The following TRIML1 variants were observed in gnomAD, a reference collection of about 807,000 sequenced individuals.
The protein encoded by TRIML1 is probable E3 ubiquitin-protein ligase TRIML1.
Under a neutral mutation model 32.3 loss-of-function variants are expected in TRIML1, and 34 were observed. That is an observed-to-expected ratio of 1.05 (90% CI 0.80 to 1.40). The LOEUF (loss-of-function observed/expected upper bound fraction) is 1.40, where lower values mean the gene tolerates loss of function less well. TRIML1 is among the 40% of genes most tolerant of loss of function. The pLI, the probability that TRIML1 is intolerant of heterozygous loss-of-function variation, is 0.00. For synonymous variants in TRIML1, 244 were observed against 226.6 expected, an observed-to-expected ratio of 1.08 and a Z score of -0.69; for missense variants, 595 against 574.9, an observed-to-expected ratio of 1.03 and a Z score of -0.36.
At position 188,140,543 on chromosome 4, in the gene TRIML1, A is replaced by G; in HGVS notation, c.424A>G (p.Ile142Val). The G allele has an allele frequency of 1.2e-6, 2 of 1,614,024 alleles. No homozygotes were observed. The highest frequency in any genetic ancestry group is 2.2e-5 in the South Asian group (2 of 91,084). The change falls in exon 2 of 6, where the codon ATC becomes GTC. Residue 142 changes from isoleucine to valine, a missense_variant. By Grantham distance (29) the Ile-to-Val change is conservative. Transcript: ENST00000332517. ...TCTATTGCAGGAGAAACTCCAGGAAATCCTGAATCTTTTGCGTGTAAGGAG... is the reference window on the plus strand; with the variant it reads ...TCTATTGCAGGAGAAACTCCAGGAAGTCCTGAATCTTTTGCGTGTAAGGAG... Reference protein sequence around the residue: ...EEHHREKLQEILNLLRVRRKE... With the variant: ...EEHHREKLQEVLNLLRVRRKE...
At chr4:188,149,203 G>GC (rs543930671), downstream of TRIML1, among the ~76,000 whole-genome samples, 78 of 152,068 alleles carry the variant, frequency 5.1e-4, no homozygotes, top group Admixed American at 9.2e-4. Context: ...CCAGGCGTGA[G>GC]CCCCCGCGCC....
At chr4:188,138,733 A>G (rs1440783360), upstream of TRIML1, among the ~76,000 whole-genome samples, 2 of 151,388 alleles carry the variant, frequency 1.3e-5, no homozygotes, top group Non-Finnish European at 2.9e-5. Flanking sequence ...AATTACATTT[A>G]TACTAAAATA....
upstream of TRIML1, among the ~76,000 whole-genome samples, chr4:188,137,764 AC>A (rs1380447593): frequency 6.6e-6 from 1 of 151,634 alleles, no homozygotes; most frequent in Non-Finnish European, 1.5e-5. Flanking sequence ...GGCATGAACC[AC>A]TGCACCCGGC....
downstream of TRIML1, among the ~76,000 whole-genome samples, chr4:188,148,557 G>A (rs973744561): frequency 2.0e-5 from 3 of 152,090 alleles, no homozygotes; most frequent in Non-Finnish European, 4.4e-5. Flanking sequence ...CTTTTGGCTG[G>A]TGGTCTGCAT....
At chr4:188,148,935 GAGT>G (rs1326779457), downstream of TRIML1, among the ~76,000 whole-genome samples, 3 of 90,714 alleles carry the variant, frequency 3.3e-5, no homozygotes, top group Non-Finnish European at 6.3e-5. Context: ...TTTTGAGACG[GAGT>G]AGTCTTGCTC....
chr4:188,150,308 T>C (rs7376413), downstream of TRIML1, among the ~76,000 whole-genome samples: 65,208 of 151,454 alleles, frequency 0.43, 15,171 homozygotes, highest in Admixed American at 0.58. Flanking sequence ...TTTGTATTTT[T>C]AATAGAGATG....
Position 188,146,699 on chromosome 4 carries a change from G to A in TRIML1, c.857-123G>A, listed in dbSNP as rs977796553. 2.7e-5 allele frequency: 21 copies of A among 771,414 alleles called. No individual in the cohort carries two copies. In the South Asian group the frequency reaches 2.8e-4, roughly 10 times the overall value. The allele number at this position is 771,414 out of a possible 1,614,324, so 47.8% of individuals were successfully genotyped here. On this transcript the variant is annotated intron_variant, in intron 5 of 5. Transcript: ENST00000332517. ...CTGCATTACAGGCGCGAGCCATCAC[G>A]CCCGGCCCCAAATTACATTTAAAAA...
intron 5 of TRIML1, among the ~76,000 whole-genome samples, chr4:188,145,281 T>C (rs1248509051): frequency 2.0e-5 from 3 of 148,530 alleles, no homozygotes; most frequent in Non-Finnish European, 4.5e-5. Flanking sequence ...CTGCTAAAAA[T>C]ACAAAAAAAA....
rs146418787 is a variant in TRIML1, at chr4:188,139,492, C to T, written c.-67C>T. 19 of 1,476,558 alleles carry T rather than the reference C, an allele frequency of 1.3e-5. No individual in the cohort carries two copies. The highest frequency in any genetic ancestry group is 1.1e-4 in the Admixed American group (5 of 45,050). 91.5% of individuals were successfully genotyped at this position (1,476,558 alleles called of 1,614,324 possible). A position where few individuals can be genotyped will look rare whatever the true frequency, so the allele number is the denominator to read the frequency against. ...CCGCGTGTTACTCAAAACTGTAGGA[C>T]GGCAGTGAGGGCTTTGCTAATCCCA... is the stretch of plus-strand genomic sequence containing the variant. On this transcript the variant is annotated 5_prime_UTR_variant, in exon 1 of 6. The change creates a new upstream start codon in the 5' untranslated region. Coordinates refer to ENST00000332517, the MANE Select transcript of TRIML1 (RefSeq NM_178556.5).
intron 2 of TRIML1, 78 bp downstream of exon 2, chr4:188,140,701 G>GAA (rs11316189): frequency 4.0e-3 from 3,717 of 932,354 alleles, no homozygotes; most frequent in Non-Finnish European, 4.8e-3. Context: ...GAAATATCAG[G>GAA]AAAAAAAAAA....
chr4:188,145,460 AAAAAAAAAAAAAAAAAG>A lies in TRIML1; in HGVS notation c.856+1328_856+1344del, dbSNP rs1268379916. Among the ~76,000 whole-genome samples the A allele has an allele frequency of 2.8e-4, 14 of 49,458 alleles. 1 individual carries two copies. The highest frequency in any genetic ancestry group is 5.6e-4 in the African/African-American group (11 of 19,794). 32.4% of individuals were successfully genotyped at this position (49,458 alleles called of 152,430 possible). On this transcript the variant is annotated intron_variant, in intron 5 of 5. Transcript: ENST00000332517. ...CCGTCTCAAAAAAAAAAAAAAAAAA[AAAAAAAAAAAAAAAAAG>A]TCAGAAATGGAATGACTGGGGTACC...
chr4:188,150,453 T>C (rs763216245), downstream of TRIML1, among the ~76,000 whole-genome samples: 76 of 152,172 alleles, frequency 5.0e-4, no homozygotes, highest in Non-Finnish European at 9.8e-4. Context: ...AGATTTTATA[T>C]CTTGATTTCT....
In TRIML1 at chr4:188,147,355, C is replaced by T. The variant is rs201363871; in HGVS notation, c.1390C>T (p.Leu464=). ...CACAGACCCTCTCACCATCTGCTCACTGAACAGCCACGTCTGAGGGGCGTG... is the reference window on the plus strand; with the variant it reads ...CACAGACCCTCTCACCATCTGCTCATTGAACAGCCACGTCTGAGGGGCGTG... ...TNTDPLTICS[L]NSHV is the part of the protein sequence containing the mutation. Residue 464 remains leucine (L), a synonymous_variant, in exon 6 of 6, where the codon CTG becomes TTG. Coordinates refer to ENST00000332517, the MANE Select transcript of TRIML1 (RefSeq NM_178556.5). 3.3e-6 allele frequency: 5 copies of T among 1,505,888 alleles called. No homozygotes were observed. Among genetic ancestry groups the T allele is most frequent in the Non-Finnish European group, 4.4e-6 (5 of 1,129,080 alleles). 93.3% of individuals were successfully genotyped at this position (1,505,888 alleles called of 1,614,324 possible).
chr4:188,138,882 T>A (rs1347946286), upstream of TRIML1, among the ~76,000 whole-genome samples: 7 of 152,030 alleles, frequency 4.6e-5, no homozygotes, highest in Admixed American at 4.6e-4. Context: ...GCTCTGGCAA[T>A]TCATCGTGCG....
intron 5 of TRIML1, 36 bp from the exon 6 acceptor site, chr4:188,146,786 T>G: frequency 7.5e-7 from 1 of 1,333,158 alleles, no homozygotes; most frequent in East Asian, 2.7e-5. Flanking sequence ...TTTTCAAGCA[T>G]GCCCAAGGGA....
At chr4:188,143,913 T>C in intron 4 of TRIML1, 53 bp downstream of exon 4, 5 of 1,613,026 alleles carry the variant, frequency 3.1e-6, no homozygotes, top group Non-Finnish European at 4.2e-6. Context: ...GTGGTGCTGA[T>C]GGACAGTTCT....
rs371092160 is a variant in TRIML1 at position 188,146,618 on chromosome 4, C to T, written c.857-204C>T. 3.3e-5 allele frequency among the ~76,000 whole-genome samples: 5 copies of T among 152,238 alleles called. No individual in the cohort carries two copies. The East Asian group carries it at 9.7e-4, about 30-fold the overall frequency. On this transcript the variant is annotated intron_variant, in intron 5 of 5. Coordinates refer to ENST00000332517, the MANE Select transcript of TRIML1 (RefSeq NM_178556.5). Reference sequence around the variant, plus strand: ...AGAGACGGGGTTTCACCATGTTGCCCAGGCTGGTCTTGAACTCCTGACCTT... The same window carrying T: ...AGAGACGGGGTTTCACCATGTTGCCTAGGCTGGTCTTGAACTCCTGACCTT...
rs150570339 is a variant in TRIML1 at position 188,139,557 on chromosome 4, A to T, written c.-2A>T. 6.4e-7 allele frequency: 1 copy of T among 1,564,472 alleles called. No homozygotes were observed. The highest frequency in any genetic ancestry group is 1.4e-5 in the African/African-American group (1 of 73,398). Reference sequence around the variant, plus strand: ...CCTGGCTGCATATCCAGCCTCGAGAAAATGTCTACAGCAGATCTGATGGAG... The same window carrying T: ...CCTGGCTGCATATCCAGCCTCGAGATAATGTCTACAGCAGATCTGATGGAG... On this transcript the variant is annotated 5_prime_UTR_variant, in exon 1 of 6. Coordinates refer to ENST00000332517, the MANE Select transcript of TRIML1 (RefSeq NM_178556.5).
chr4:188,148,634 G>A (rs530495079), downstream of TRIML1, among the ~76,000 whole-genome samples: 33 of 151,888 alleles, frequency 2.2e-4, 1 homozygote, highest in South Asian at 6.7e-3. Context: ...ATGCAATCTC[G>A]CTCTGTCACC....
Sources: allele counts gnomAD v4.1 joint callset (sites outside exome capture counted in the v4.1 genomes callset), GRCh38; gene constraint gnomAD v4.1.1; transcripts MANE v1.5; gene names NCBI Gene and HGNC (gene_info 2026-07-23, HGNC 2026-07-21).